Variants in COL22A1 observed in about 807,000 individuals in gnomAD.
The protein encoded by COL22A1 is collagen type XXII alpha 1 chain.
A neutral mutation model predicts 248.9 loss-of-function variants in COL22A1; 221 were observed. That is an observed-to-expected ratio of 0.89 (90% CI 0.80 to 0.99). The LOEUF is 0.99. Among genes scored for constraint, COL22A1 ranks in the 50% least tolerant of loss-of-function variants. COL22A1 has a pLI of 0.00. For synonymous variants in COL22A1, 891 were observed against 793.4 expected (o/e 1.12, Z -2.07); for missense variants, 2,240 against 2,179.0 (o/e 1.03, Z -0.56).
In COL22A1 at chr8:138,806,074, GA is replaced by G. The variant is rs796290696; in HGVS notation, c.1494+1693del. ...GGTAATGGTGTGTGGTGGTGTGTGTGATGGTGTGTGTAATGGTGTGTGATGG... is the reference window on the plus strand; with the variant it reads ...GGTAATGGTGTGTGGTGGTGTGTGTGTGGTGTGTGTAATGGTGTGTGATGG... On this transcript the variant is annotated intron_variant, in intron 10 of 64. Transcript: ENST00000303045. Among the ~76,000 whole-genome samples, 60 of 103,324 alleles carry G rather than the reference GA, an allele frequency of 5.8e-4. 5 individuals carry two copies. The highest frequency in any genetic ancestry group is 9.3e-4 in the African/African-American group (20 of 21,430). The allele number at this position is 103,324 out of a possible 152,430, so 67.8% of individuals were successfully genotyped here.
chr8:138,748,262 C>T (rs1459842222), intron 22 of COL22A1, among the ~76,000 whole-genome samples: 1 of 152,192 alleles, frequency 6.6e-6, no homozygotes, highest in Non-Finnish European at 1.5e-5. Context: ...CTTCCTCAGT[C>T]TCCACTGAGG....
At chr8:138,794,812 G>A (rs928387695) in intron 12 of COL22A1, among the ~76,000 whole-genome samples, 13 of 152,132 alleles carry the variant, frequency 8.5e-5, no homozygotes, top group African/African-American at 3.1e-4. Context: ...CCAGATGCAG[G>A]AAGACAAATA....
intron 27 of COL22A1, among the ~76,000 whole-genome samples, chr8:138,719,362 G>A (rs1292236472): frequency 1.3e-5 from 2 of 152,068 alleles, no homozygotes; most frequent in Non-Finnish European, 2.9e-5. Flanking sequence ...AGGATATAGT[G>A]TCTGTCGGTG....
intron 4 of COL22A1, among the ~76,000 whole-genome samples, chr8:138,837,762 A>G (rs895375767): frequency 2.6e-5 from 4 of 152,204 alleles, no homozygotes; most frequent in Non-Finnish European, 5.9e-5. Context: ...CCAGGGTTCC[A>G]TGAAACTGGT....
intron 35 of COL22A1, among the ~76,000 whole-genome samples, chr8:138,691,150 G>A (rs1157794583): frequency 6.6e-6 from 1 of 152,228 alleles, no homozygotes; most frequent in African/African-American, 2.4e-5. Flanking sequence ...GTGTGGAGGA[G>A]CCTGGGTGTG....
intron 16 of COL22A1, among the ~76,000 whole-genome samples, chr8:138,763,111 G>C (rs1833630864): frequency 6.6e-6 from 1 of 152,174 alleles, no homozygotes; most frequent in South Asian, 2.1e-4. Context: ...AAAAGCCTGG[G>C]CGTGGTGGCT....
At chr8:138,702,730 G>A (rs893046982) in intron 31 of COL22A1, among the ~76,000 whole-genome samples, 6 of 152,096 alleles carry the variant, frequency 3.9e-5, no homozygotes, top group African/African-American at 1.2e-4. Context: ...CAGAAACTCT[G>A]CCAAATATTT....
chr8:138,833,009 G>A, intron 5 of COL22A1, 30 bp downstream of exon 5: 1 of 1,427,770 alleles, frequency 7.0e-7, no homozygotes, highest in East Asian at 2.3e-5. Context: ...GACACCCTGG[G>A]CAGGTCTGGA....
intron 30 of COL22A1, among the ~76,000 whole-genome samples, chr8:138,705,016 GA>G (rs1185609776): frequency 1.3e-5 from 2 of 152,178 alleles, no homozygotes. Context: ...CAATCAAGTG[GA>G]AGAAAGGGTA....
intron 16 of COL22A1, among the ~76,000 whole-genome samples, chr8:138,767,207 T>C (rs1833974419): frequency 6.6e-6 from 1 of 152,146 alleles, no homozygotes; most frequent in Non-Finnish European, 1.5e-5. Flanking sequence ...ACGTGGAAGG[T>C]GCGCATTAAC....
intron 23 of COL22A1, among the ~76,000 whole-genome samples, chr8:138,728,459 C>A (rs1830480668): frequency 6.6e-6 from 1 of 152,120 alleles, no homozygotes; most frequent in Non-Finnish European, 1.5e-5. Context: ...TCCCTCCTTA[C>A]ATGTCTAAGG....
intron 22 of COL22A1, among the ~76,000 whole-genome samples, chr8:138,751,203 T>C (rs1407340556): frequency 6.6e-6 from 1 of 152,188 alleles, no homozygotes; most frequent in Non-Finnish European, 1.5e-5. Flanking sequence ...GATCACCCAA[T>C]GGATTCATGT....
At chr8:138,599,089 A>T (rs933535165) in intron 60 of COL22A1, among the ~76,000 whole-genome samples, 191 bp from the exon 61 acceptor site, 11 of 152,214 alleles carry the variant, frequency 7.2e-5, no homozygotes, top group African/African-American at 2.7e-4. Context: ...GATTGTACAA[A>T]TGAAAATATG....
At chr8:138,623,828 C>T (rs1379887802) in intron 51 of COL22A1, 43 bp from the exon 52 acceptor site, 11 of 1,566,702 alleles carry the variant, frequency 7.0e-6, no homozygotes, top group African/African-American at 2.7e-5. Context: ...AAAGAAGATT[C>T]GAGGGGATGG....
intron 7 of COL22A1, among the ~76,000 whole-genome samples, chr8:138,814,667 G>A (rs1020210871): frequency 2.0e-5 from 3 of 152,182 alleles, no homozygotes; most frequent in Non-Finnish European, 4.4e-5. Context: ...TGTAGCATTG[G>A]CCAGCAGCTT....
At chr8:138,643,338 T>C (rs1366674271) in intron 47 of COL22A1, among the ~76,000 whole-genome samples, 3 of 152,158 alleles carry the variant, frequency 2.0e-5, no homozygotes, top group Non-Finnish European at 4.4e-5. Flanking sequence ...ACCATCTAAA[T>C]CTTCACAGTC....
chr8:138,657,189 CG>C (rs2130634121), intron 44 of COL22A1, among the ~76,000 whole-genome samples: 1 of 152,322 alleles, frequency 6.6e-6, no homozygotes, highest in Non-Finnish European at 1.5e-5. Flanking sequence ...TAGGATGCAG[CG>C]GCTAAAGCCA....
At chr8:138,738,421 C>T (rs1207113535) in intron 22 of COL22A1, among the ~76,000 whole-genome samples, 2 of 152,018 alleles carry the variant, frequency 1.3e-5, no homozygotes, top group Non-Finnish European at 2.9e-5. Flanking sequence ...TTGGCATTGT[C>T]CTGGTGGTTT....
chr8:138,699,144 C>G (rs1827755924), intron 32 of COL22A1, among the ~76,000 whole-genome samples: 2 of 152,156 alleles, frequency 1.3e-5, no homozygotes, highest in Admixed American at 6.5e-5. Context: ...TGCACCTGCT[C>G]TTTCCCGCAG....
Sources: allele counts gnomAD v4.1 joint callset (sites outside exome capture counted in the v4.1 genomes callset), GRCh38; gene constraint gnomAD v4.1.1; transcripts MANE v1.5; gene names NCBI Gene and HGNC (gene_info 2026-07-23, HGNC 2026-07-21).